Variants in GBE1 observed in about 807,000 individuals in gnomAD.
The protein encoded by GBE1 is 1,4-alpha-glucan-branching enzyme.
GBE1 carries 70 observed loss-of-function variants against 88.8 expected under a neutral mutation model. That is an observed-to-expected ratio of 0.79 (90% CI 0.65 to 0.96). GBE1 has a LOEUF of 0.96. Among genes scored for constraint, GBE1 ranks in the 40% least tolerant of loss-of-function variants. GBE1 has a pLI of 0.00. For synonymous variants in GBE1, 284 were observed against 300.1 expected (o/e 0.95, Z 0.56); for missense variants, 872 against 871.0 (o/e 1.00, Z -0.01).
chr3:81,654,165 CAT>C (rs1704896019), intron 3 of GBE1, among the ~76,000 whole-genome samples: 1 of 152,030 alleles, frequency 6.6e-6, no homozygotes, highest in Admixed American at 6.6e-5. Context: ...CATCAAAAGA[CAT>C]TATTAGATTA....
At chr3:81,547,986 C>CT (rs1302364630) in intron 12 of GBE1, among the ~76,000 whole-genome samples, 1 of 151,310 alleles carries the variant, frequency 6.6e-6, no homozygotes, top group Non-Finnish European at 1.5e-5. Context: ...GGGAGATGAC[C>CT]TTTTAACCAC....
At chr3:81,563,253 A>T (rs184431146) in intron 12 of GBE1, among the ~76,000 whole-genome samples, 1 of 152,158 alleles carries the variant, frequency 6.6e-6, no homozygotes, top group Admixed American at 6.6e-5. Flanking sequence ...AAAGTGTGCT[A>T]AGTGGCTGTG....
chr3:81,712,584 T>A (rs1476358918), intron 1 of GBE1, among the ~76,000 whole-genome samples: 1 of 140,946 alleles, frequency 7.1e-6, no homozygotes, highest in Non-Finnish European at 1.5e-5. Flanking sequence ...CACTCATAGG[T>A]GGGAATTGAA....
chr3:81,615,450 A>G (rs965190884), intron 7 of GBE1, among the ~76,000 whole-genome samples: 7 of 152,096 alleles, frequency 4.6e-5, no homozygotes, highest in African/African-American at 1.7e-4. Flanking sequence ...TCTCACCACC[A>G]CCCTCAGCCC....
chr3:81,574,303 C>T (rs191773654), intron 12 of GBE1, among the ~76,000 whole-genome samples: 131 of 152,012 alleles, frequency 8.6e-4, no homozygotes, highest in East Asian at 5.6e-3. Context: ...ATATAGTAAC[C>T]GTCAATTTAA....
intron 9 of GBE1, among the ~76,000 whole-genome samples, chr3:81,588,553 T>C (rs1703830990): frequency 2.0e-5 from 3 of 151,956 alleles, no homozygotes; most frequent in Admixed American, 1.3e-4. Flanking sequence ...AAACATCCCA[T>C]AGACATATTT....
intron 14 of GBE1, among the ~76,000 whole-genome samples, chr3:81,518,682 A>G (rs1027803878): frequency 6.6e-6 from 1 of 151,456 alleles, no homozygotes; most frequent in African/African-American, 2.4e-5. Context: ...TAAAAGTATT[A>G]GTCATTTCAA....
intron 2 of GBE1, among the ~76,000 whole-genome samples, chr3:81,672,458 A>G (rs1278937000): frequency 1.3e-5 from 2 of 152,040 alleles, no homozygotes; most frequent in African/African-American, 2.4e-5. Flanking sequence ...TATAGTACCA[A>G]CATATGCAAA....
At chr3:81,657,717 T>TAATTTTCTGTTAATTTTATCTGGATAATA (rs1704962027) in intron 3 of GBE1, among the ~76,000 whole-genome samples, 2 of 152,292 alleles carry the variant, frequency 1.3e-5, no homozygotes, top group Non-Finnish European at 2.9e-5. Flanking sequence ...GAAATTATTT[T>TAATTTTCTGTTAATTTTATCTGGATAATA]AATTTTCTGT....
chr3:81,652,957 T>C (rs1704872107), intron 3 of GBE1, among the ~76,000 whole-genome samples: 1 of 152,138 alleles, frequency 6.6e-6, no homozygotes, highest in South Asian at 2.1e-4. Context: ...TTTATGTCAT[T>C]TAACTCACAA....
At chr3:81,544,600 C>G (rs1462440368) in intron 12 of GBE1, among the ~76,000 whole-genome samples, 3 of 152,076 alleles carry the variant, frequency 2.0e-5, no homozygotes, top group Non-Finnish European at 2.9e-5. Flanking sequence ...ATCACGGAAG[C>G]CCGTAACTAA....
At chr3:81,500,151 G>T (rs576922668) in intron 14 of GBE1, among the ~76,000 whole-genome samples, 1 of 152,228 alleles carries the variant, frequency 6.6e-6, no homozygotes, top group South Asian at 2.1e-4. Context: ...AGATGGACAC[G>T]CTACAGAAAC....
At chr3:81,630,057 T>A (rs1704485641) in intron 7 of GBE1, among the ~76,000 whole-genome samples, 1 of 152,168 alleles carries the variant, frequency 6.6e-6, no homozygotes, top group Admixed American at 6.6e-5. Context: ...CATCATTTTT[T>A]ATGGCTGCAT....
intron 1 of GBE1, among the ~76,000 whole-genome samples, chr3:81,714,967 A>G (rs934299274): frequency 1.3e-5 from 2 of 151,770 alleles, no homozygotes; most frequent in African/African-American, 4.8e-5. Context: ...CTAACTAATC[A>G]CCTCCCACAG....
intron 14 of GBE1, among the ~76,000 whole-genome samples, chr3:81,509,891 T>C (rs1702702286): frequency 6.6e-6 from 1 of 152,006 alleles, no homozygotes; most frequent in African/African-American, 2.4e-5. Context: ...TAACAGAATA[T>C]TTATAATATA....
intron 12 of GBE1, among the ~76,000 whole-genome samples, chr3:81,546,238 TCACA>T (rs1390566593): frequency 1.3e-5 from 2 of 149,638 alleles, no homozygotes; most frequent in African/African-American, 4.9e-5. Flanking sequence ...ACACACAAAC[TCACA>T]CACACACTAA....
chr3:81,583,585 A>G (rs1319105421), intron 10 of GBE1, among the ~76,000 whole-genome samples: 1 of 152,126 alleles, frequency 6.6e-6, no homozygotes, highest in Non-Finnish European at 1.5e-5. Context: ...ATATAACAAC[A>G]TTGGAGGTTT....
intron 7 of GBE1, among the ~76,000 whole-genome samples, chr3:81,625,064 A>G (rs1324559656): frequency 1.6e-5 from 2 of 126,526 alleles, no homozygotes; most frequent in Admixed American, 1.9e-4. Context: ...TCCCTGCCTC[A>G]GAATCCTGCC....
chr3:81,565,373 C>T (rs1703477878), intron 12 of GBE1, among the ~76,000 whole-genome samples: 2 of 152,122 alleles, frequency 1.3e-5, no homozygotes, highest in African/African-American at 4.8e-5. Flanking sequence ...AGCAGGAAGA[C>T]ATTTAAATCT....
Sources: gnomAD v4.1 joint callset for allele counts (sites outside exome capture counted in the v4.1 genomes callset) on GRCh38, gnomAD v4.1.1 for gene constraint, MANE v1.5 for transcripts, NCBI Gene and HGNC (gene_info 2026-07-23, HGNC 2026-07-21) for gene names.